The following PHACTR1 variants were observed in gnomAD, a reference collection of about 807,000 sequenced individuals.
The protein encoded by PHACTR1 is RPEL repeat containing 1.
In PHACTR1, 16 loss-of-function variants were observed where a neutral mutation model predicts 69.2. That is an observed-to-expected ratio of 0.23 (90% CI 0.16 to 0.35). The LOEUF is 0.35. Among genes scored for constraint, PHACTR1 ranks in the 10% least tolerant of loss-of-function variants. The pLI is 1.00. For synonymous variants in PHACTR1, 312 were observed against 284.5 expected (o/e 1.10, Z -0.97); for missense variants, 510 against 734.7 (o/e 0.69, Z 3.54).
At chr6:12,958,156 C>T (rs1792133529) in intron 4 of PHACTR1, 1 of 525,706 alleles carries the variant, frequency 1.9e-6, no homozygotes, top group Non-Finnish European at 2.4e-6. Flanking sequence ...CTGCCAATAT[C>T]AATAGATTTG....
intron 5 of PHACTR1, among the ~76,000 whole-genome samples, chr6:13,130,848 T>A (rs1820292561): frequency 6.6e-6 from 1 of 151,656 alleles, no homozygotes; most frequent in Non-Finnish European, 1.5e-5. Context: ...GGAAAGGACA[T>A]AACAAAAAAA....
chr6:12,780,249 C>CTCTG (rs3222018), intron 4 of PHACTR1, among the ~76,000 whole-genome samples: 6 of 147,570 alleles, frequency 4.1e-5, no homozygotes, highest in African/African-American at 7.6e-5. Flanking sequence ...TATCTTTTCT[C>CTCTG]TGTGTGTGTG....
At chr6:12,823,715 G>A (rs1042794977) in intron 4 of PHACTR1, among the ~76,000 whole-genome samples, 1 of 152,082 alleles carries the variant, frequency 6.6e-6, no homozygotes, top group Non-Finnish European at 1.5e-5. Context: ...TCTACATTTC[G>A]ATTTTGTCGG....
At chr6:13,140,175 G>A (rs1366732054) in intron 5 of PHACTR1, among the ~76,000 whole-genome samples, 3 of 71,928 alleles carry the variant, frequency 4.2e-5, no homozygotes, top group African/African-American at 8.2e-5. Context: ...TTGAACCCTT[G>A]TATACTGTTG....
chr6:13,162,969 G>A (rs1023739616), intron 6 of PHACTR1, among the ~76,000 whole-genome samples: 1 of 152,190 alleles, frequency 6.6e-6, no homozygotes, highest in African/African-American at 2.4e-5. Flanking sequence ...CTGCGGGCCG[G>A]GCTCGGTGTC....
At chr6:12,863,953 G>A (rs1781188435) in intron 4 of PHACTR1, among the ~76,000 whole-genome samples, 1 of 152,128 alleles carries the variant, frequency 6.6e-6, no homozygotes, top group Non-Finnish European at 1.5e-5. Context: ...AAGGTAAATG[G>A]GTAGTAGAGA....
chr6:12,858,803 TAC>T (rs1780656037), intron 4 of PHACTR1, among the ~76,000 whole-genome samples: 2 of 105,646 alleles, frequency 1.9e-5, no homozygotes, highest in African/African-American at 5.9e-5. Context: ...AGCCAACACA[TAC>T]ATACACACAC....
chr6:12,867,584 T>G (rs560982875), intron 4 of PHACTR1, among the ~76,000 whole-genome samples: 169 of 152,304 alleles, frequency 1.1e-3, no homozygotes, highest in African/African-American at 4.0e-3. Context: ...CGCTAATGAA[T>G]GGAGGAATTA....
At chr6:13,195,329 C>G (rs777387946) in intron 7 of PHACTR1, among the ~76,000 whole-genome samples, 6 of 152,172 alleles carry the variant, frequency 3.9e-5, no homozygotes, top group Non-Finnish European at 8.8e-5. Flanking sequence ...CAACTCACTG[C>G]AACTAGTTGG....
intron 10 of PHACTR1, among the ~76,000 whole-genome samples, chr6:13,249,947 CAT>C (rs1774148056): frequency 6.6e-6 from 1 of 152,104 alleles, no homozygotes. Context: ...AGTTTTCAGA[CAT>C]TGGTGACACT....
At chr6:13,065,292 C>G (rs1238540811) in intron 5 of PHACTR1, among the ~76,000 whole-genome samples, 2 of 151,976 alleles carry the variant, frequency 1.3e-5, no homozygotes, top group African/African-American at 4.8e-5. Context: ...TGAGGGCCAC[C>G]AGCCTGTGAG....
chr6:12,917,169 G>T (rs1254769099), intron 4 of PHACTR1, among the ~76,000 whole-genome samples: 1 of 152,164 alleles, frequency 6.6e-6, no homozygotes, highest in African/African-American at 2.4e-5. Context: ...GTTTTCCATG[G>T]CTGGGGACAG....
chr6:12,783,128 C>T (rs765771796), intron 4 of PHACTR1, among the ~76,000 whole-genome samples: 1 of 152,166 alleles, frequency 6.6e-6, no homozygotes, highest in Admixed American at 6.5e-5. Context: ...CAGCCTGTTG[C>T]TTTGCTTGTA....
chr6:12,877,062 A>C (rs1476372730), intron 4 of PHACTR1, among the ~76,000 whole-genome samples: 2 of 152,208 alleles, frequency 1.3e-5, no homozygotes, highest in Non-Finnish European at 2.9e-5. Context: ...CTGAGGAAAG[A>C]AATCTACATT....
At chr6:13,084,399 G>A (rs971612692) in intron 5 of PHACTR1, among the ~76,000 whole-genome samples, 4 of 149,888 alleles carry the variant, frequency 2.7e-5, no homozygotes, top group Non-Finnish European at 5.9e-5. Context: ...GGGAGGGATA[G>A]CATTAGGAGA....
At chr6:12,797,439 C>T (rs927177723) in intron 4 of PHACTR1, among the ~76,000 whole-genome samples, 10 of 152,168 alleles carry the variant, frequency 6.6e-5, no homozygotes, top group African/African-American at 2.4e-4. Flanking sequence ...ACCTATGGGA[C>T]ATGCAAGTGG....
intron 4 of PHACTR1, among the ~76,000 whole-genome samples, chr6:13,029,104 A>T (rs1802091695): frequency 6.6e-6 from 1 of 152,216 alleles, no homozygotes; most frequent in Non-Finnish European, 1.5e-5. Context: ...TTGGTAGAAA[A>T]GGAAAATGAG....
intron 5 of PHACTR1, among the ~76,000 whole-genome samples, chr6:13,056,997 A>G (rs1806881479): frequency 6.6e-6 from 1 of 152,230 alleles, no homozygotes; most frequent in South Asian, 2.1e-4. Context: ...AAAGGAGTTC[A>G]GTGTGGGGGA....
At chr6:13,226,355 C>A (rs1244700424) in intron 8 of PHACTR1, among the ~76,000 whole-genome samples, 1 of 152,148 alleles carries the variant, frequency 6.6e-6, no homozygotes, top group Non-Finnish European at 1.5e-5. Context: ...AAAGGAGAGG[C>A]ATGCATTCAT....
Sources: gnomAD v4.1 joint callset for allele counts (sites outside exome capture counted in the v4.1 genomes callset) on GRCh38, gnomAD v4.1.1 for gene constraint, MANE v1.5 for transcripts, NCBI Gene and HGNC (gene_info 2026-07-23, HGNC 2026-07-21) for gene names.